BACH1: variants seen among roughly 807,000 people sequenced by gnomAD.
The protein encoded by BACH1 is transcription regulator protein BACH1.
A neutral mutation model predicts 52.9 loss-of-function variants in BACH1; 35 were observed. That is an observed-to-expected ratio of 0.66 (90% CI 0.51 to 0.88). BACH1 has a LOEUF of 0.88. Among genes scored for constraint, BACH1 ranks in the 40% least tolerant of loss-of-function variants. The probability of loss-of-function intolerance (pLI) is 0.00; values close to 1 mark genes in which losing one functional copy is unlikely to be tolerated. For missense variants in BACH1, 808 were observed against 872.6 expected (o/e 0.93, Z 0.93); for synonymous variants, 321 against 319.6 (o/e 1.00, Z -0.05).
intron 4 of BACH1, among the ~76,000 whole-genome samples, chr21:29,342,103 T>G (rs945361581): frequency 2.0e-5 from 3 of 152,176 alleles, no homozygotes; most frequent in Non-Finnish European, 4.4e-5. Context: ...TACCTAGAAA[T>G]GTAAAGATAG....
chr21:29,331,739 C>G (rs1462201605), intron 4 of BACH1, among the ~76,000 whole-genome samples: 1 of 152,070 alleles, frequency 6.6e-6, no homozygotes, highest in South Asian at 2.1e-4. Context: ...TAGGATAATA[C>G]TAGTTCCTAC....
intron 1 of BACH1, among the ~76,000 whole-genome samples, chr21:29,317,763 A>G (rs906113148): frequency 3.3e-5 from 5 of 152,234 alleles, no homozygotes; most frequent in African/African-American, 1.2e-4. Context: ...CACTAATAAC[A>G]GCTAATATTA....
At chr21:29,324,911 C>T (rs1163839099) in intron 2 of BACH1, among the ~76,000 whole-genome samples, 2 of 152,120 alleles carry the variant, frequency 1.3e-5, no homozygotes, top group African/African-American at 4.8e-5. Context: ...AAAGCCTAAA[C>T]ATGGTTTAGC....
At chr21:29,332,240 T>C (rs2088992961) in intron 4 of BACH1, among the ~76,000 whole-genome samples, 1 of 152,200 alleles carries the variant, frequency 6.6e-6, no homozygotes, top group Admixed American at 6.5e-5. Context: ...GGTCTCCATT[T>C]TCCCTTTCTT....
chr21:29,314,931 G>A (rs1405515852), intron 1 of BACH1, among the ~76,000 whole-genome samples: 1 of 152,186 alleles, frequency 6.6e-6, no homozygotes, highest in Non-Finnish European at 1.5e-5. Context: ...TGGTCATGGA[G>A]TTACTCTTCC....
In BACH1 at chr21:29,342,416, C is replaced by G. The variant is rs776287124; in HGVS notation, c.1794C>G (p.Ser598Arg). 1.2e-6 allele frequency: 2 copies of G among 1,613,008 alleles called. No individual in the cohort carries two copies. The highest frequency in any genetic ancestry group is 1.7e-6 in the Non-Finnish European group (2 of 1,179,350). The change falls in exon 5 of 5, where the codon AGC (serine) becomes AGG (arginine). Residue 598 changes from serine to arginine, a missense_variant. Transcript: ENST00000286800. ...CTTCACAGCAAAGTGAAAAGGAGAG[C>G]TTGTTGAAGGAAAGAGATCACATTT... is the stretch of plus-strand genomic sequence containing the variant. ...EIEKLQSEKE[S>R]LLKERDHILS...
intron 2 of BACH1, among the ~76,000 whole-genome samples, chr21:29,324,346 C>G (rs886255962): frequency 6.6e-6 from 1 of 152,056 alleles, no homozygotes; most frequent in African/African-American, 2.4e-5. Context: ...TCCCCTTGCC[C>G]CCTTCCTCCG....
At chr21:29,322,678 G>C (rs1367025113) in intron 2 of BACH1, among the ~76,000 whole-genome samples, 3 of 152,212 alleles carry the variant, frequency 2.0e-5, no homozygotes, top group Non-Finnish European at 4.4e-5. Context: ...TTCCCAGTTG[G>C]ATACGGTTGG....
At chr21:29,309,753 G>T (rs1321253294) in intron 1 of BACH1, among the ~76,000 whole-genome samples, 1 of 152,198 alleles carries the variant, frequency 6.6e-6, no homozygotes, top group Non-Finnish European at 1.5e-5. Flanking sequence ...CATGGTTGAT[G>T]ATATCAGTAG....
chr21:29,339,235 A>G (rs746861271), intron 4 of BACH1, among the ~76,000 whole-genome samples: 21 of 152,210 alleles, frequency 1.4e-4, no homozygotes, highest in African/African-American at 4.3e-4. Context: ...GCCTTCCAGC[A>G]GCAGTATATG....
intron 1 of BACH1, chr21:29,300,959 C>G (rs1167080783): frequency 6.6e-6 from 1 of 152,212 alleles, no homozygotes; most frequent in African/African-American, 2.4e-5. Context: ...GCCTTTACAC[C>G]TGGTGTCATT....
At chr21:29,357,859 A>AG (rs1048249022) in intron 2 of BACH1, among the ~76,000 whole-genome samples, 11 of 152,198 alleles carry the variant, frequency 7.2e-5, no homozygotes, top group Non-Finnish European at 1.6e-4. Context: ...CTCCTCAAGT[A>AG]GGGGACAACA....
In BACH1 at chr21:29,327,998, G is replaced by C. The variant is rs575583857; in HGVS notation, c.1569+605G>C. Among the ~76,000 whole-genome samples the C allele has an allele frequency of 5.9e-5, 9 of 152,286 alleles. No individual in the cohort carries two copies. In the East Asian group the frequency reaches 1.7e-3, roughly 29 times the overall value. ...AAATGCCATGCTGCAAGACAAAAAA[G>C]AATAATGATTCTATGCTCATTATTT... is the stretch of plus-strand genomic sequence containing the variant. On this transcript the variant is annotated intron_variant, in intron 3 of 4. Coordinates refer to ENST00000286800, the MANE Select transcript of BACH1 (RefSeq NM_001186.4).
intron 4 of BACH1, among the ~76,000 whole-genome samples, chr21:29,336,724 T>G (rs1456649136): frequency 1.3e-5 from 2 of 151,998 alleles, no homozygotes; most frequent in African/African-American, 4.8e-5. Context: ...GAGTGTGGAG[T>G]GCAGTGGCGT....
At chr21:29,306,169 A>AGAGTGTGT (rs1225837577) in intron 1 of BACH1, among the ~76,000 whole-genome samples, 1 of 141,198 alleles carries the variant, frequency 7.1e-6, no homozygotes, top group African/African-American at 2.6e-5. Context: ...GGTCAGGAAG[A>AGAGTGTGT]GTGTGTGTGT....
At chr21:29,321,626 C>T in intron 2 of BACH1, 112 bp downstream of exon 2, 5 of 903,052 alleles carry the variant, frequency 5.5e-6, no homozygotes, top group East Asian at 5.7e-5. Context: ...TGGAGCATTT[C>T]CCAGGTTCTG....
intron 1 of BACH1, among the ~76,000 whole-genome samples, chr21:29,315,171 G>T (rs906544111): frequency 6.6e-6 from 1 of 152,136 alleles, no homozygotes; most frequent in Non-Finnish European, 1.5e-5. Context: ...GTAGACACAG[G>T]ATACTGTTGG....
intron 1 of BACH1, among the ~76,000 whole-genome samples, chr21:29,315,687 A>C (rs1276095507): frequency 2.0e-5 from 3 of 152,190 alleles, no homozygotes. Flanking sequence ...CATTAATTGA[A>C]TATTATGGTT....
At chr21:29,331,561 G>T (rs1469059794) in intron 4 of BACH1, among the ~76,000 whole-genome samples, 2 of 152,098 alleles carry the variant, frequency 1.3e-5, no homozygotes, top group African/African-American at 4.8e-5. Context: ...CTAAATTTCA[G>T]ATATCTAGGA....
Sources: gnomAD v4.1 joint callset for allele counts (sites outside exome capture counted in the v4.1 genomes callset) on GRCh38, gnomAD v4.1.1 for gene constraint, MANE v1.5 for transcripts, NCBI Gene and HGNC (gene_info 2026-07-23, HGNC 2026-07-21) for gene names.